Variants in XRCC4 observed in about 807,000 individuals in gnomAD.
XRCC4 encodes DNA repair protein XRCC4.
A neutral mutation model predicts 39.1 loss-of-function variants in XRCC4; 28 were observed. The ratio of observed to expected loss-of-function variants is 0.72; its 90% CI spans 0.53 to 0.98. XRCC4 has a LOEUF of 0.98. Ranked by LOEUF, XRCC4 falls within the 50% of genes least tolerant of loss-of-function variation. The pLI is 0.00. For missense variants in XRCC4, 350 were observed against 376.4 expected, an observed-to-expected ratio of 0.93 and a Z score of 0.58; for synonymous variants, 123 against 126.4, an observed-to-expected ratio of 0.97 and a Z score of 0.18.
rs59326460 is a variant in XRCC4, at chr5:83,309,266, C to CA, written c.894-43834dup. ...TGGGTGACAGAGCGAGACTCCGTCTCAAAAAAAAAAAAAAAAAAAAAAAAA... is the reference window on the plus strand; with the variant it reads ...TGGGTGACAGAGCGAGACTCCGTCTCAAAAAAAAAAAAAAAAAAAAAAAAAA... On this transcript the variant is annotated intron_variant, in intron 7 of 7. Coordinates refer to ENST00000396027, the MANE Select transcript of XRCC4 (RefSeq NM_003401.5). 8.1e-3 allele frequency among the ~76,000 whole-genome samples: 140 copies of CA among 17,390 alleles called. 13 individuals carry two copies. Among genetic ancestry groups the CA allele is most frequent in the East Asian group, 0.019 (2 of 106 alleles). The allele number at this position is 17,390 out of a possible 152,430, so 11.4% of individuals were successfully genotyped here.
intron 3 of XRCC4, among the ~76,000 whole-genome samples, chr5:83,146,747 C>A (rs2112538741): frequency 6.6e-6 from 1 of 152,314 alleles, no homozygotes; most frequent in African/African-American, 2.4e-5. Context: ...CAAATGTCAA[C>A]TATCAGAAGT....
chr5:83,265,139 A>C (rs1316921482), intron 7 of XRCC4, among the ~76,000 whole-genome samples: 1 of 152,180 alleles, frequency 6.6e-6, no homozygotes, highest in Non-Finnish European at 1.5e-5. Flanking sequence ...TTCAAAGTTT[A>C]AATCTCAAAG....
intron 7 of XRCC4, among the ~76,000 whole-genome samples, chr5:83,320,390 T>TAA (rs774115795): frequency 7.2e-6 from 1 of 137,968 alleles, no homozygotes; most frequent in Non-Finnish European, 1.6e-5. Flanking sequence ...AATAAAAAAA[T>TAA]AAAAAAAAAA....
intron 7 of XRCC4, among the ~76,000 whole-genome samples, chr5:83,340,871 C>T (rs1223343129): frequency 6.6e-6 from 1 of 152,186 alleles, no homozygotes; most frequent in Non-Finnish European, 1.5e-5. Context: ...TTAGAAATCA[C>T]TAACCTCCAT....
chr5:83,197,896 G>A (rs1221278716), intron 4 of XRCC4, among the ~76,000 whole-genome samples: 2 of 152,114 alleles, frequency 1.3e-5, no homozygotes, highest in Non-Finnish European at 2.9e-5. Flanking sequence ...TAGATTAGTA[G>A]CTTTAAATAT....
At chr5:83,288,849 A>G (rs1344667910) in intron 7 of XRCC4, among the ~76,000 whole-genome samples, 1 of 151,844 alleles carries the variant, frequency 6.6e-6, no homozygotes, top group Non-Finnish European at 1.5e-5. Context: ...AATTCTTGAT[A>G]ATTATTACTT....
At chr5:83,305,372 T>C (rs1301185913) in intron 7 of XRCC4, among the ~76,000 whole-genome samples, 1 of 152,120 alleles carries the variant, frequency 6.6e-6, no homozygotes, top group Non-Finnish European at 1.5e-5. Context: ...ATGTATCTTG[T>C]GGTAAAATAA....
chr5:83,326,140 C>T (rs151176119), intron 7 of XRCC4, among the ~76,000 whole-genome samples: 284 of 152,082 alleles, frequency 1.9e-3, no homozygotes, highest in African/African-American at 6.5e-3. Context: ...TCCTTGTAGA[C>T]TCTGGATATT....
chr5:83,104,252 T>C (rs1005462525), intron 1 of XRCC4, among the ~76,000 whole-genome samples: 1 of 152,102 alleles, frequency 6.6e-6, no homozygotes, highest in African/African-American at 2.4e-5. Flanking sequence ...TTTTCCCCCA[T>C]TGAATTATAC....
intron 7 of XRCC4, among the ~76,000 whole-genome samples, chr5:83,325,070 T>C (rs906818774): frequency 6.6e-6 from 1 of 152,094 alleles, no homozygotes; most frequent in Non-Finnish European, 1.5e-5. Flanking sequence ...TCTCCTATTT[T>C]ATTCCCTAGT....
chr5:83,093,361 G>C (rs1282869829), intron 1 of XRCC4, among the ~76,000 whole-genome samples: 1 of 152,126 alleles, frequency 6.6e-6, no homozygotes, highest in Non-Finnish European at 1.5e-5. Flanking sequence ...TACAATAACA[G>C]TAGAGAACTT....
At chr5:83,144,505 T>C (rs192223347) in intron 3 of XRCC4, among the ~76,000 whole-genome samples, 3 of 150,918 alleles carry the variant, frequency 2.0e-5, no homozygotes, top group East Asian at 2.0e-4. Flanking sequence ...GAGTGGACTT[T>C]TAAAAATGTT....
chr5:83,249,456 A>G (rs1257415013), intron 6 of XRCC4, among the ~76,000 whole-genome samples: 1 of 152,154 alleles, frequency 6.6e-6, no homozygotes, highest in Non-Finnish European at 1.5e-5. Flanking sequence ...TCCTTTTCAT[A>G]GAACAACTAC....
intron 7 of XRCC4, among the ~76,000 whole-genome samples, chr5:83,307,793 AG>A (rs1461906642): frequency 6.6e-6 from 1 of 152,252 alleles, no homozygotes; most frequent in Middle Eastern, 3.2e-3. Flanking sequence ...GGTGAGAGCA[AG>A]GGAGCATTTT....
At chr5:83,303,850 A>G (rs1755383589) in intron 7 of XRCC4, among the ~76,000 whole-genome samples, 1 of 152,176 alleles carries the variant, frequency 6.6e-6, no homozygotes, top group Non-Finnish European at 1.5e-5. Context: ...TATAGAAAAC[A>G]TTGACAATAT....
chr5:83,354,930 T>C (rs1757173087), downstream of XRCC4, among the ~76,000 whole-genome samples: 1 of 152,222 alleles, frequency 6.6e-6, no homozygotes. Flanking sequence ...AACTGAATTT[T>C]AAAATCTTAG....
chr5:83,221,359 G>A (rs1264652870), intron 6 of XRCC4, among the ~76,000 whole-genome samples: 1 of 152,052 alleles, frequency 6.6e-6, no homozygotes, highest in Non-Finnish European at 1.5e-5. Context: ...AAAGGTTAGA[G>A]AACTTCCTAA....
intron 7 of XRCC4, among the ~76,000 whole-genome samples, chr5:83,278,025 T>A (rs1160520191): frequency 6.6e-6 from 1 of 152,226 alleles, no homozygotes; most frequent in South Asian, 2.1e-4. Context: ...TAGGTTTTGT[T>A]ATTTACAGAG....
intron 7 of XRCC4, among the ~76,000 whole-genome samples, chr5:83,328,312 G>T (rs1756332484): frequency 6.6e-6 from 1 of 151,810 alleles, no homozygotes; most frequent in African/African-American, 2.4e-5. Flanking sequence ...ATTTGGATGG[G>T]GACACAGCCA....
Sources: gnomAD v4.1 joint callset for allele counts (sites outside exome capture counted in the v4.1 genomes callset) on GRCh38, gnomAD v4.1.1 for gene constraint, MANE v1.5 for transcripts, NCBI Gene and HGNC (gene_info 2026-07-23, HGNC 2026-07-21) for gene names.